SCFD2: variants seen among roughly 807,000 people sequenced by gnomAD.
The protein encoded by SCFD2 is sec1 family domain-containing protein 2.
In SCFD2, 54 loss-of-function variants were observed where a neutral mutation model predicts 58.9. That is an observed-to-expected ratio of 0.92 (90% CI 0.74 to 1.15). SCFD2 has a LOEUF of 1.15. Among genes scored for constraint, SCFD2 ranks in the 50% most tolerant of loss-of-function variants. SCFD2 has a pLI of 0.00. For synonymous variants in SCFD2, 321 were observed against 335.9 expected, an observed-to-expected ratio of 0.96 and a Z score of 0.49; for missense variants, 805 against 836.6, an observed-to-expected ratio of 0.96 and a Z score of 0.47.
At chr4:53,169,902 T>A (rs753326211) in intron 4 of SCFD2, among the ~76,000 whole-genome samples, 12 of 152,212 alleles carry the variant, frequency 7.9e-5, no homozygotes, top group Non-Finnish European at 1.5e-4. Context: ...CATTGAGATG[T>A]TTCGGTTCCT....
At chr4:52,970,130 G>T (rs1721060952) in intron 5 of SCFD2, among the ~76,000 whole-genome samples, 1 of 152,228 alleles carries the variant, frequency 6.6e-6, no homozygotes, top group African/African-American at 2.4e-5. Flanking sequence ...TCCAACTGAG[G>T]TACCGGGCTC....
intron 5 of SCFD2, among the ~76,000 whole-genome samples, chr4:53,105,214 G>A (rs1164929864): frequency 6.6e-6 from 1 of 152,048 alleles, no homozygotes; most frequent in East Asian, 1.9e-4. Context: ...TCACTTCCGT[G>A]CCTACACCAC....
chr4:53,199,459 A>G (rs2148965713), intron 4 of SCFD2, among the ~76,000 whole-genome samples: 1 of 152,266 alleles, frequency 6.6e-6, no homozygotes, highest in African/African-American at 2.4e-5. Context: ...AAAAACCTTT[A>G]GAATTTCCTG....
rs377662548 is a variant in SCFD2, at chr4:53,301,599, C to T, written c.1135+12037G>A. 1.9e-3 allele frequency among the ~76,000 whole-genome samples: 293 copies of T among 152,236 alleles called. 3 individuals carry two copies. The highest frequency in any genetic ancestry group is 6.8e-3 in the Middle Eastern group (2 of 294). ...AGAGGGAATCCTCCCTAACTCATTT[C>T]ATGAGGCCAGCATCATCCTAATACC... On this transcript the variant is annotated intron_variant, in intron 3 of 8. Transcript: ENST00000401642.
intron 4 of SCFD2, among the ~76,000 whole-genome samples, chr4:53,152,556 A>G (rs568962520): frequency 2.0e-5 from 3 of 152,284 alleles, no homozygotes; most frequent in Middle Eastern, 3.4e-3. Flanking sequence ...AGGGGTTTCA[A>G]TATGAGATTT....
At chr4:53,348,693 C>A (rs1734128757) in intron 2 of SCFD2, among the ~76,000 whole-genome samples, 1 of 151,746 alleles carries the variant, frequency 6.6e-6, no homozygotes, top group Non-Finnish European at 1.5e-5. Context: ...TCCCTCTAGA[C>A]TCATCTTTGA....
rs938268377 is a variant in SCFD2 at position 52,910,281 on chromosome 4, G to A, written c.1708-2690C>T. Among the ~76,000 whole-genome samples, 3 of 152,204 alleles carry A rather than the reference G, an allele frequency of 2.0e-5. No individual in the cohort carries two copies. In the South Asian group the frequency reaches 6.2e-4, roughly 32 times the overall value. Reference sequence around the variant, plus strand: ...CCTCTTCTCTGCTGGCTGGAATGTAGAAGTGAAGCCTGGAGCTCCAGCAGC... The same window carrying A: ...CCTCTTCTCTGCTGGCTGGAATGTAAAAGTGAAGCCTGGAGCTCCAGCAGC... On this transcript the variant is annotated intron_variant, in intron 6 of 8. Coordinates refer to ENST00000401642, the MANE Select transcript of SCFD2 (RefSeq NM_152540.4).
chr4:53,180,749 C>T (rs1727521621), intron 4 of SCFD2, among the ~76,000 whole-genome samples: 1 of 152,040 alleles, frequency 6.6e-6, no homozygotes, highest in African/African-American at 2.4e-5. Context: ...ATTGATCAGA[C>T]CGCTAGCAAG....
intron 5 of SCFD2, among the ~76,000 whole-genome samples, chr4:53,007,104 G>C (rs989742610): frequency 6.6e-5 from 10 of 151,706 alleles, no homozygotes; most frequent in Non-Finnish European, 1.3e-4. Context: ...AACGTAATGA[G>C]ACCCTGTCTC....
chr4:53,236,840 ATTTATTT>A (rs1028964858), intron 4 of SCFD2, among the ~76,000 whole-genome samples: 1 of 100,700 alleles, frequency 9.9e-6, no homozygotes, highest in Non-Finnish European at 2.6e-5. Flanking sequence ...TTATTTATTT[ATTTATTT>A]ATTTATTTTT....
At chr4:53,235,109 C>T (rs960419192) in intron 4 of SCFD2, among the ~76,000 whole-genome samples, 7 of 152,228 alleles carry the variant, frequency 4.6e-5, no homozygotes, top group Admixed American at 3.9e-4. Context: ...CATGTGCCTG[C>T]CCTTTAAATG....
intron 5 of SCFD2, among the ~76,000 whole-genome samples, chr4:52,994,343 G>A (rs1305227534): frequency 2.0e-5 from 3 of 152,186 alleles, no homozygotes; most frequent in African/African-American, 4.8e-5. Flanking sequence ...GCGGGGAAGT[G>A]GAAAGAGCAC....
chr4:53,024,187 G>A (rs1227852818), intron 5 of SCFD2, among the ~76,000 whole-genome samples: 2 of 152,124 alleles, frequency 1.3e-5, no homozygotes, highest in Non-Finnish European at 2.9e-5. Context: ...AAAACCTGAA[G>A]ACTTGAAGAT....
At chr4:53,348,091 A>G (rs1385283985) in intron 2 of SCFD2, among the ~76,000 whole-genome samples, 3 of 152,246 alleles carry the variant, frequency 2.0e-5, no homozygotes, top group African/African-American at 7.2e-5. Context: ...TAATCCAGAG[A>G]ACAACAGACA....
intron 5 of SCFD2, among the ~76,000 whole-genome samples, chr4:53,061,576 G>T (rs1471268882): frequency 1.5e-4 from 23 of 152,152 alleles, no homozygotes; most frequent in Admixed American, 1.4e-3. Flanking sequence ...TAAGAGTATG[G>T]CAGGCCCTTA....
intron 5 of SCFD2, among the ~76,000 whole-genome samples, chr4:53,135,234 T>A (rs995976317): frequency 1.3e-5 from 2 of 152,182 alleles, no homozygotes; most frequent in Non-Finnish European, 2.9e-5. Context: ...CTGTAATCAA[T>A]GCCTAAGGCG....
intron 4 of SCFD2, among the ~76,000 whole-genome samples, chr4:53,196,260 C>T (rs1728054305): frequency 6.6e-6 from 1 of 152,152 alleles, no homozygotes; most frequent in South Asian, 2.1e-4. Context: ...CACAATGCTA[C>T]ATTTTAATCA....
chr4:53,303,518 T>G (rs540811738), intron 3 of SCFD2, among the ~76,000 whole-genome samples: 1 of 152,270 alleles, frequency 6.6e-6, no homozygotes, highest in East Asian at 1.9e-4. Context: ...TGTAAACTAG[T>G]GCAACCATTG....
intron 2 of SCFD2, among the ~76,000 whole-genome samples, chr4:53,344,241 T>C (rs1480824809): frequency 6.6e-6 from 1 of 152,154 alleles, no homozygotes; most frequent in Non-Finnish European, 1.5e-5. Context: ...GATAAGCAAC[T>C]TCAGCAAAGT....
Sources: allele counts gnomAD v4.1 joint callset (sites outside exome capture counted in the v4.1 genomes callset), GRCh38; gene constraint gnomAD v4.1.1; transcripts MANE v1.5; gene names NCBI Gene and HGNC (gene_info 2026-07-23, HGNC 2026-07-21).